Variants in ZNF676 observed in about 807,000 individuals in gnomAD.
ZNF676 encodes the protein zinc finger protein 676.
A neutral mutation model predicts 6.0 loss-of-function variants in ZNF676; 4 were observed. The observed-to-expected ratio is 0.67, with a 90% CI of 0.33 to 1.53. The LOEUF is 1.53. ZNF676 is among the 40% of genes most tolerant of loss of function. ZNF676 has a pLI of 0.06. For missense variants in ZNF676, 644 were observed against 679.7 expected (o/e 0.95, Z 0.58); for synonymous variants, 198 against 223.1 (o/e 0.89, Z 1.00).
upstream of ZNF676, among the ~76,000 whole-genome samples, chr19:22,220,524 G>GCAAAC (rs1301603787): frequency 6.7e-6 from 1 of 148,408 alleles, no homozygotes; most frequent in Non-Finnish European, 1.5e-5. Flanking sequence ...GTGGTGCGAT[G>GCAAAC]TTGACTCACT....
chr19:22,221,206 T>C, the ZNF676 span, among the ~76,000 whole-genome samples: 1 of 152,172 alleles, frequency 6.6e-6, no homozygotes, highest in African/African-American at 2.4e-5. Context: ...GATGTATGTA[T>C]TTAATGCTAT....
the ZNF676 span, among the ~76,000 whole-genome samples, chr19:22,248,841 T>C: frequency 6.6e-6 from 1 of 152,214 alleles, no homozygotes; most frequent in Non-Finnish European, 1.5e-5. Context: ...GTGATTCTCC[T>C]GCCTCAGCCT....
the ZNF676 span, among the ~76,000 whole-genome samples, chr19:22,253,404 G>GTGTGTATATATATATATATATA: frequency 6.2e-5 from 6 of 97,016 alleles, no homozygotes; most frequent in East Asian, 6.2e-4. Flanking sequence ...ATGATAATGT[G>GTGTGTATATATATATATATATA]TATATATATA....
At chr19:22,250,059 G>A in the ZNF676 span, among the ~76,000 whole-genome samples, 5 of 151,840 alleles carry the variant, frequency 3.3e-5, no homozygotes, top group African/African-American at 1.2e-4. Flanking sequence ...GCACATGCTT[G>A]TAACCCCAAA....
upstream of ZNF676, among the ~76,000 whole-genome samples, chr19:22,201,219 T>C (rs1036808183): frequency 6.6e-6 from 1 of 152,220 alleles, no homozygotes; most frequent in Admixed American, 6.5e-5. Context: ...GGATACTTTG[T>C]GGCCTTAAGA....
At chr19:22,256,094 A>T in the ZNF676 span, among the ~76,000 whole-genome samples, 1 of 152,176 alleles carries the variant, frequency 6.6e-6, no homozygotes, top group African/African-American at 2.4e-5. Context: ...GCTTTATACC[A>T]TAGGTGAGAG....
At chr19:22,191,618 C>T (rs2023907832) in intron 2 of ZNF676, among the ~76,000 whole-genome samples, 1 of 152,096 alleles carries the variant, frequency 6.6e-6, no homozygotes, top group Admixed American at 6.6e-5. Flanking sequence ...AATATAAAGC[C>T]CACCATATGC....
At chr19:22,247,394 T>C in the ZNF676 span, among the ~76,000 whole-genome samples, 1 of 151,500 alleles carries the variant, frequency 6.6e-6, no homozygotes, top group Admixed American at 6.6e-5. Flanking sequence ...AGAAAACCCA[T>C]CTCTACTAAA....
At chr19:22,211,007 G>GA (rs1268674153) in intron 1 of ZNF676, among the ~76,000 whole-genome samples, 1 of 150,378 alleles carries the variant, frequency 6.6e-6, no homozygotes, top group South Asian at 2.1e-4. Flanking sequence ...TTTTCTCTAG[G>GA]AAAAAAAGGC....
At chr19:22,187,844 C>T (rs1358494611) in intron 2 of ZNF676, among the ~76,000 whole-genome samples, 1 of 152,052 alleles carries the variant, frequency 6.6e-6, no homozygotes, top group East Asian at 1.9e-4. Flanking sequence ...CCTGCATAGA[C>T]CAATAACAAG....
At chr19:22,216,797 A>T (rs1234755932), upstream of ZNF676, among the ~76,000 whole-genome samples, 1 of 151,462 alleles carries the variant, frequency 6.6e-6, no homozygotes, top group African/African-American at 2.4e-5. Context: ...CTAATTTAGC[A>T]TGGTAGCCTC....
At position 22,196,785 on chromosome 19, in the gene ZNF676, G is replaced by C; in HGVS notation, c.-152C>G. 2 of 1,420,298 alleles carry C rather than the reference G, an allele frequency of 1.4e-6. No homozygotes were observed. The highest frequency in any genetic ancestry group is 2.3e-5 in the East Asian group (1 of 43,912). The allele number at this position is 1,420,298 out of a possible 1,614,324, so 88.0% of individuals were successfully genotyped here. On this transcript the variant is annotated 5_prime_UTR_variant, in exon 1 of 3. Coordinates refer to ENST00000397121, the MANE Select transcript of ZNF676 (RefSeq NM_001001411.3). ...ATTGGTCATGGGCAGAACTTTTAATGTGACTCAAGGTAAAATGGAGAGAGT... is the reference window on the plus strand; with the variant it reads ...ATTGGTCATGGGCAGAACTTTTAATCTGACTCAAGGTAAAATGGAGAGAGT...
the ZNF676 span, among the ~76,000 whole-genome samples, chr19:22,221,527 G>A: frequency 6.6e-6 from 1 of 152,152 alleles, no homozygotes; most frequent in Non-Finnish European, 1.5e-5. Context: ...AAGGCAGGTG[G>A]ATAACCTGAG....
the ZNF676 span, among the ~76,000 whole-genome samples, chr19:22,248,054 T>G: frequency 7.3e-6 from 1 of 137,168 alleles, no homozygotes; most frequent in African/African-American, 2.7e-5. Flanking sequence ...GCTTCATCCA[T>G]GTCCCTACAA....
chr19:22,181,634 TAA>T, intron 2 of ZNF676, 48 bp from the exon 3 acceptor site: 1 of 1,386,738 alleles, frequency 7.2e-7, no homozygotes, highest in Non-Finnish European at 9.5e-7. Context: ...TAGACTCAGA[TAA>T]GTACAGTTTC....
Position 22,196,859 on chromosome 19 carries a change from AAT to A in ZNF676, c.-228_-227del, listed in dbSNP as rs565719213. 2.7e-5 allele frequency: 23 copies of A among 864,198 alleles called. No individual in the cohort carries two copies. In the African/African-American group the frequency reaches 3.3e-4, roughly 12 times the overall value. 53.5% of individuals were successfully genotyped at this position (864,198 alleles called of 1,614,324 possible). On this transcript the variant is annotated 5_prime_UTR_variant, in exon 1 of 3. The change creates a premature stop within an existing upstream ORF in the 5' untranslated region. Transcript: ENST00000397121. ...ATGAATGACTGAAATTATTCAATAA[AAT>A]AGTTTTCAACACAGAAATGTTCACT... is the stretch of plus-strand genomic sequence containing the variant.
chr19:22,256,748 A>C, the ZNF676 span, among the ~76,000 whole-genome samples: 5 of 152,020 alleles, frequency 3.3e-5, no homozygotes, highest in South Asian at 2.1e-4. Flanking sequence ...ATTCATTACA[A>C]TCCCCTTTTA....
At chr19:22,223,920 C>G in the ZNF676 span, among the ~76,000 whole-genome samples, 1 of 151,392 alleles carries the variant, frequency 6.6e-6, no homozygotes, top group Non-Finnish European at 1.5e-5. Context: ...AAGAATAGCA[C>G]ATATTCTTTA....
chr19:22,205,611 T>C (rs2024069576), intron 1 of ZNF676, among the ~76,000 whole-genome samples: 1 of 152,046 alleles, frequency 6.6e-6, no homozygotes, highest in Non-Finnish European at 1.5e-5. Context: ...TTGAAACAAA[T>C]AAGAACAAAA....
Sources: allele counts gnomAD v4.1 joint callset (sites outside exome capture counted in the v4.1 genomes callset), GRCh38; gene constraint gnomAD v4.1.1; transcripts MANE v1.5; gene names NCBI Gene and HGNC (gene_info 2026-07-23, HGNC 2026-07-21).